The following PTPRD variants were observed in gnomAD, a reference collection of about 807,000 sequenced individuals.
PTPRD encodes the protein receptor-type tyrosine-protein phosphatase delta.
Under a neutral mutation model 214.5 loss-of-function variants are expected in PTPRD, and 34 were observed. The observed-to-expected ratio is 0.16, with a 90% CI of 0.12 to 0.21. The LOEUF is 0.21. PTPRD is among the 10% of genes least tolerant of loss of function. The pLI, the probability that PTPRD is intolerant of heterozygous loss-of-function variation, is 1.00. For synonymous variants in PTPRD, 1,128 were observed against 845.7 expected, an observed-to-expected ratio of 1.33 and a Z score of -5.79; for missense variants, 2,545 against 2,398.7, an observed-to-expected ratio of 1.06 and a Z score of -1.27.
chr9:8,726,584 AAAAAATATATATATATATATATAT>A (rs2098564253), intron 12 of PTPRD, among the ~76,000 whole-genome samples: 1 of 21,360 alleles, frequency 4.7e-5, no homozygotes, highest in Non-Finnish European at 8.9e-5. Flanking sequence ...AAAAAAAAAA[AAAAAATATATATATATATATATAT>A]ATATATATAT....
chr9:9,140,009 T>C (rs1420495355), intron 10 of PTPRD, among the ~76,000 whole-genome samples: 1 of 152,144 alleles, frequency 6.6e-6, no homozygotes, highest in Non-Finnish European at 1.5e-5. Context: ...CCTCCCGCTG[T>C]TCTTGATGAA....
chr9:10,111,583 T>C (rs1391813051), intron 3 of PTPRD, among the ~76,000 whole-genome samples: 1 of 152,182 alleles, frequency 6.6e-6, no homozygotes, highest in African/African-American at 2.4e-5. Flanking sequence ...TGTATTATTA[T>C]AATATTGGCC....
intron 3 of PTPRD, among the ~76,000 whole-genome samples, chr9:10,068,400 G>C (rs1377020126): frequency 6.6e-6 from 1 of 151,868 alleles, no homozygotes; most frequent in African/African-American, 2.4e-5. Context: ...ATATAAAAAT[G>C]TGAAGAAGAT....
chr9:8,448,108 G>T (rs764681848), intron 34 of PTPRD, among the ~76,000 whole-genome samples: 2 of 151,896 alleles, frequency 1.3e-5, no homozygotes, highest in Non-Finnish European at 2.9e-5. Context: ...GTGAGTTGCT[G>T]GAGCCCAGGA....
rs573874803 is a variant in PTPRD at position 10,473,998 on chromosome 9, A to T, written c.-599-132981T>A. ...CTCCTGAAGGAAGCACTAAATATGG[A>T]AAGGAAAAACCAGTACCAGTCACTG... On this transcript the variant is annotated intron_variant, in intron 2 of 45. Coordinates refer to ENST00000381196, the MANE Select transcript of PTPRD (RefSeq NM_002839.4). Among the ~76,000 whole-genome samples, 8 of 152,238 alleles carry T rather than the reference A, an allele frequency of 5.3e-5. No homozygotes were observed. In the South Asian group the frequency reaches 1.0e-3, roughly 20 times the overall value.
chr9:9,568,649 G>A (rs962900770), intron 8 of PTPRD, among the ~76,000 whole-genome samples: 1 of 151,834 alleles, frequency 6.6e-6, no homozygotes, highest in African/African-American at 2.4e-5. Flanking sequence ...TTTCCTCTAT[G>A]ACGTTTACAC....
chr9:10,371,220 A>G (rs986620990), intron 2 of PTPRD, among the ~76,000 whole-genome samples: 23 of 151,934 alleles, frequency 1.5e-4, no homozygotes, highest in African/African-American at 5.1e-4. Flanking sequence ...AATGATATAT[A>G]TTTAAATACC....
intron 5 of PTPRD, among the ~76,000 whole-genome samples, chr9:9,908,663 T>G (rs1369890224): frequency 6.6e-6 from 1 of 152,102 alleles, no homozygotes; most frequent in East Asian, 1.9e-4. Context: ...ATCCATTTGC[T>G]ATTTAATATG....
chr9:9,952,451 G>T (rs1328200805), intron 4 of PTPRD, among the ~76,000 whole-genome samples: 1 of 152,146 alleles, frequency 6.6e-6, no homozygotes, highest in Non-Finnish European at 1.5e-5. Flanking sequence ...CAAGGATGTT[G>T]TTCAATTACA....
rs1244151369 is a variant in PTPRD, at chr9:8,894,345, G to GACTC, written c.-104+124348_-104+124351dup. ...ATTCTAGCTTGGGCAACAAGAGTGA[G>GACTC]ACTCCATCTCAAAAAAAAAAAAAAA... On this transcript the variant is annotated intron_variant, in intron 11 of 45. Transcript: ENST00000381196. 3.0e-5 allele frequency among the ~76,000 whole-genome samples: 3 copies of GACTC among 99,752 alleles called. No homozygotes were observed. The Admixed American group carries it at 4.2e-4, about 14-fold the overall frequency. 65.4% of individuals were successfully genotyped at this position (99,752 alleles called of 152,430 possible). A position where few individuals can be genotyped will look rare whatever the true frequency, so the allele number is the denominator to read the frequency against.
chr9:8,949,030 C>A (rs1340194782), intron 11 of PTPRD, among the ~76,000 whole-genome samples: 6 of 151,804 alleles, frequency 4.0e-5, no homozygotes, highest in African/African-American at 1.5e-4. Context: ...TTGAGACCAG[C>A]CTGACTAACA....
intron 7 of PTPRD, among the ~76,000 whole-genome samples, chr9:9,583,238 T>C (rs545281099): frequency 1.1e-4 from 17 of 152,182 alleles, no homozygotes; most frequent in Admixed American, 2.0e-4. Context: ...TAAAATAACA[T>C]CAAACAACTC....
intron 2 of PTPRD, among the ~76,000 whole-genome samples, chr9:10,584,996 T>C (rs2132581934): frequency 6.6e-6 from 1 of 152,234 alleles, no homozygotes; most frequent in Non-Finnish European, 1.5e-5. Flanking sequence ...AGACGATAAA[T>C]AACTGATGAT....
At chr9:8,881,026 C>T (rs1460243631) in intron 11 of PTPRD, among the ~76,000 whole-genome samples, 1 of 152,186 alleles carries the variant, frequency 6.6e-6, no homozygotes, top group Non-Finnish European at 1.5e-5. Flanking sequence ...CTCGGCCTCC[C>T]AAAGTGCTAG....
At chr9:8,878,131 G>T (rs1391277811) in intron 11 of PTPRD, among the ~76,000 whole-genome samples, 1 of 152,184 alleles carries the variant, frequency 6.6e-6, no homozygotes, top group South Asian at 2.1e-4. Flanking sequence ...TACATTGCCA[G>T]ATATTACTTA....
chr9:9,876,369 T>C (rs1177621561), intron 5 of PTPRD, among the ~76,000 whole-genome samples: 1 of 152,168 alleles, frequency 6.6e-6, no homozygotes, highest in African/African-American at 2.4e-5. Flanking sequence ...AGGGCTTCAG[T>C]AGCAAGCATG....
intron 14 of PTPRD, among the ~76,000 whole-genome samples, chr9:8,539,087 A>G (rs1170011961): frequency 6.6e-6 from 1 of 152,056 alleles, no homozygotes; most frequent in African/African-American, 2.4e-5. Context: ...CAAATATTGG[A>G]CAACTTGAAC....
intron 11 of PTPRD, among the ~76,000 whole-genome samples, chr9:8,880,322 T>A (rs1419992558): frequency 2.0e-5 from 3 of 152,108 alleles, no homozygotes; most frequent in African/African-American, 7.2e-5. Flanking sequence ...TCAAGTTGGT[T>A]TTTCTGAGGA....
chr9:9,784,068 G>C (rs1469450469), intron 5 of PTPRD, among the ~76,000 whole-genome samples: 2 of 152,104 alleles, frequency 1.3e-5, no homozygotes, highest in Non-Finnish European at 2.9e-5. Context: ...TATGTCGTCA[G>C]ACAGATTTAC....
Sources: allele counts gnomAD v4.1 joint callset (sites outside exome capture counted in the v4.1 genomes callset), GRCh38; gene constraint gnomAD v4.1.1; transcripts MANE v1.5; gene names NCBI Gene and HGNC (gene_info 2026-07-23, HGNC 2026-07-21).